Variants in FHIT observed in about 807,000 individuals in gnomAD.
FHIT encodes the protein bis(5'-adenosyl)-triphosphatase.
A neutral mutation model predicts 17.9 loss-of-function variants in FHIT; 19 were observed. That is an observed-to-expected ratio of 1.06 (90% confidence interval 0.74 to 1.56). The LOEUF (loss-of-function observed/expected upper bound fraction) is 1.56, where lower values mean the gene tolerates loss of function less well. Among genes scored for constraint, FHIT ranks in the 40% most tolerant of loss-of-function variants. FHIT has a pLI of 0.00. For missense variants in FHIT, 248 were observed against 189.2 expected (o/e 1.31, Z -1.82); for synonymous variants, 81 against 69.7 (o/e 1.16, Z -0.81).
At chr3:60,743,838 C>T (rs2108014402) in intron 4 of FHIT, among the ~76,000 whole-genome samples, 1 of 152,318 alleles carries the variant, frequency 6.6e-6, no homozygotes, top group South Asian at 2.1e-4. Flanking sequence ...CGCTGGTTCT[C>T]TTTCACGGGG....
At chr3:60,671,602 G>A (rs2040505834) in intron 4 of FHIT, among the ~76,000 whole-genome samples, 1 of 151,994 alleles carries the variant, frequency 6.6e-6, no homozygotes, top group Non-Finnish European at 1.5e-5. Flanking sequence ...TCCCGCTCTT[G>A]ATTCCTATAT....
intron 4 of FHIT, among the ~76,000 whole-genome samples, chr3:60,652,583 G>A (rs2040016956): frequency 6.6e-6 from 1 of 152,096 alleles, no homozygotes; most frequent in Non-Finnish European, 1.5e-5. Flanking sequence ...AATACAATTA[G>A]TCAGGTGTGG....
At chr3:60,340,955 G>T (rs981259028) in intron 5 of FHIT, among the ~76,000 whole-genome samples, 5 of 152,140 alleles carry the variant, frequency 3.3e-5, no homozygotes, top group African/African-American at 1.2e-4. Context: ...CTCCCAAAGT[G>T]CTGGATTACA....
At chr3:60,669,714 T>C (rs1559627645) in intron 4 of FHIT, among the ~76,000 whole-genome samples, 1 of 152,172 alleles carries the variant, frequency 6.6e-6, no homozygotes. Context: ...CACTGAAGAT[T>C]GCATGTGAGA....
chr3:61,223,099 CT>C (rs2106834358), intron 1 of FHIT, among the ~76,000 whole-genome samples: 1 of 152,292 alleles, frequency 6.6e-6, no homozygotes, highest in South Asian at 2.1e-4. Context: ...TTTTGGATCA[CT>C]GGTACTGAGG....
chr3:60,995,870 A>G (rs9879312), intron 3 of FHIT, among the ~76,000 whole-genome samples: 3,399 of 152,292 alleles, frequency 0.022, 58 homozygotes, highest in African/African-American at 0.048. Context: ...CTCTGTATCT[A>G]TTGTAAGGAG....
At chr3:60,750,983 C>T (rs78763512) in intron 4 of FHIT, among the ~76,000 whole-genome samples, 6,952 of 152,272 alleles carry the variant, frequency 0.046, 504 homozygotes, top group African/African-American at 0.16. Context: ...GCAACTCCCA[C>T]GTGGACCTGT....
intron 2 of FHIT, among the ~76,000 whole-genome samples, chr3:61,117,539 A>T (rs987035876): frequency 9.2e-5 from 14 of 152,204 alleles, no homozygotes; most frequent in African/African-American, 2.9e-4. Flanking sequence ...TAAAAGGACA[A>T]AGGAATGCAA....
At chr3:61,216,457 C>G (rs2039678316) in intron 1 of FHIT, among the ~76,000 whole-genome samples, 1 of 152,150 alleles carries the variant, frequency 6.6e-6, no homozygotes, top group South Asian at 2.1e-4. Flanking sequence ...CCATGTTACA[C>G]CAGTTAGAAT....
At chr3:60,120,610 G>T (rs1705203997) in intron 5 of FHIT, among the ~76,000 whole-genome samples, 1 of 152,108 alleles carries the variant, frequency 6.6e-6, no homozygotes, top group Non-Finnish European at 1.5e-5. Context: ...GCTTAATTGT[G>T]GATCAAATGG....
intron 4 of FHIT, among the ~76,000 whole-genome samples, chr3:60,599,965 A>G (rs1409320323): frequency 6.6e-6 from 1 of 152,134 alleles, no homozygotes; most frequent in Non-Finnish European, 1.5e-5. Context: ...TCTCCTTCCC[A>G]GTAGTGACAA....
In FHIT at chr3:60,166,752, T is replaced by C. The variant is rs986773235; in HGVS notation, c.104-152600A>G. On this transcript the variant is annotated intron_variant, in intron 5 of 9. Transcript: ENST00000492590. ...GGGTTTCTCTTCTAAAAGCAAAGCA[T>C]ATTTTTGTTTTCTCTTTCCCTAACT... 2.0e-5 allele frequency among the ~76,000 whole-genome samples: 3 copies of C among 152,164 alleles called. No homozygotes were observed. The South Asian group carries it at 6.2e-4, about 32-fold the overall frequency.
Position 60,212,995 on chromosome 3 carries a change from A to G in FHIT, c.104-198843T>C, listed in dbSNP as rs145593706. Among the ~76,000 whole-genome samples the G allele has an allele frequency of 5.9e-3, 891 of 152,200 alleles. 5 individuals carry two copies. Among genetic ancestry groups the G allele is most frequent in the Middle Eastern group, 0.024 (7 of 294 alleles). ...TTTAATACTGAGATGCTTTCATGCC[A>G]CCTGAAAGAAAAGCAAGAGAGGGAT... On this transcript the variant is annotated intron_variant, in intron 5 of 9. Coordinates refer to ENST00000492590, the MANE Select transcript of FHIT (RefSeq NM_002012.4).
intron 4 of FHIT, among the ~76,000 whole-genome samples, chr3:60,762,248 G>T (rs1699680848): frequency 6.6e-6 from 1 of 152,144 alleles, no homozygotes; most frequent in East Asian, 1.9e-4. Context: ...AAAATAATCA[G>T]CTTCTTAACC....
intron 3 of FHIT, among the ~76,000 whole-genome samples, chr3:60,869,568 G>A (rs973025359): frequency 9.9e-5 from 15 of 152,162 alleles, no homozygotes; most frequent in South Asian, 2.1e-4. Context: ...TGAGACCTTG[G>A]GGTGGGAGAT....
intron 5 of FHIT, among the ~76,000 whole-genome samples, chr3:60,229,058 A>G (rs1468132846): frequency 6.6e-6 from 1 of 152,156 alleles, no homozygotes; most frequent in African/African-American, 2.4e-5. Flanking sequence ...ATAACCCAGC[A>G]TATGTACGAA....
rs79392991 is a variant in FHIT at position 60,355,009 on chromosome 3, T to C, written c.103+181851A>G. Among the ~76,000 whole-genome samples the C allele has an allele frequency of 1.7e-3, 266 of 152,296 alleles. 4 individuals carry two copies. The highest frequency in any genetic ancestry group is 3.0e-3 in the Non-Finnish European group (207 of 68,014). ...ATCTGTAAACTAGAACTTTAAAGAATCCTAAAACATAAATCTTTTTAATCC... is the reference window on the plus strand; with the variant it reads ...ATCTGTAAACTAGAACTTTAAAGAACCCTAAAACATAAATCTTTTTAATCC... On this transcript the variant is annotated intron_variant, in intron 5 of 9. Transcript: ENST00000492590.
At chr3:60,126,036 C>A (rs574960271) in intron 5 of FHIT, among the ~76,000 whole-genome samples, 1 of 152,222 alleles carries the variant, frequency 6.6e-6, no homozygotes, top group Admixed American at 6.5e-5. Flanking sequence ...GGTGTTCTGG[C>A]TTCTCCTGCA....
intron 8 of FHIT, among the ~76,000 whole-genome samples, chr3:59,886,544 G>A (rs1703631522): frequency 6.6e-6 from 1 of 152,172 alleles, no homozygotes; most frequent in Non-Finnish European, 1.5e-5. Context: ...GGTGAAGGGG[G>A]GCTGTGTGTG....
Sources: allele counts gnomAD v4.1 joint callset (sites outside exome capture counted in the v4.1 genomes callset), GRCh38; gene constraint gnomAD v4.1.1; transcripts MANE v1.5; gene names NCBI Gene and HGNC (gene_info 2026-07-23, HGNC 2026-07-21).